The following CTNNA2 variants were observed in gnomAD, a reference collection of about 807,000 sequenced individuals.
CTNNA2 encodes catenin alpha-2.
CTNNA2 carries 42 observed loss-of-function variants against 101.0 expected under a neutral mutation model. That is an observed-to-expected ratio of 0.42 (90% CI 0.32 to 0.54). CTNNA2 has a LOEUF of 0.54. Ranked by LOEUF, CTNNA2 falls within the 20% of genes least tolerant of loss-of-function variation. The probability of loss-of-function intolerance (pLI) is 0.14; values close to 1 mark genes in which losing one functional copy is unlikely to be tolerated. For synonymous variants in CTNNA2, 450 were observed against 456.4 expected (o/e 0.99, Z 0.18); for missense variants, 871 against 1,223.1 (o/e 0.71, Z 4.29).
chr2:79,614,959 C>A (rs1380564911), intron 1 of CTNNA2, among the ~76,000 whole-genome samples: 2 of 152,224 alleles, frequency 1.3e-5, no homozygotes, highest in African/African-American at 4.8e-5. Flanking sequence ...CAGGGAATTT[C>A]AAGGTTTCCT....
chr2:80,552,819 G>T (rs1573239178), intron 11 of CTNNA2, among the ~76,000 whole-genome samples: 1 of 152,094 alleles, frequency 6.6e-6, no homozygotes, highest in East Asian at 1.9e-4. Context: ...GTAAAAATAT[G>T]ACATAATCTT....
intron 7 of CTNNA2, among the ~76,000 whole-genome samples, chr2:80,226,119 A>T (rs1413754382): frequency 6.6e-6 from 1 of 152,192 alleles, no homozygotes; most frequent in Non-Finnish European, 1.5e-5. Context: ...ATCCATCCTT[A>T]TGATGGCCTT....
intron 1 of CTNNA2, among the ~76,000 whole-genome samples, chr2:79,590,185 G>T (rs542041472): frequency 6.6e-6 from 1 of 152,244 alleles, no homozygotes; most frequent in Admixed American, 6.5e-5. Flanking sequence ...TGAGGAGGCG[G>T]GTGAGCTTTT....
intron 3 of CTNNA2, among the ~76,000 whole-genome samples, chr2:79,343,723 G>GATTATTATTATTATT (rs71385268): frequency 6.1e-5 from 9 of 147,960 alleles, no homozygotes; most frequent in African/African-American, 2.2e-4. Flanking sequence ...AGACACGGAC[G>GATTATTATTATTATT]ATTATTATTA....
At chr2:79,249,820 A>T (rs952215656) in intron 2 of CTNNA2, among the ~76,000 whole-genome samples, 2 of 152,076 alleles carry the variant, frequency 1.3e-5, no homozygotes, top group Non-Finnish European at 2.9e-5. Context: ...TTAGATTAGG[A>T]GCTCACATTC....
chr2:80,095,488 G>C (rs1381109820), intron 7 of CTNNA2, among the ~76,000 whole-genome samples: 2 of 152,068 alleles, frequency 1.3e-5, no homozygotes, highest in Non-Finnish European at 2.9e-5. Flanking sequence ...TCTCTGCCAG[G>C]CTTTGGTATC....
intron 7 of CTNNA2, among the ~76,000 whole-genome samples, chr2:79,969,192 G>C (rs534102628): frequency 8.5e-5 from 13 of 152,134 alleles, no homozygotes; most frequent in Non-Finnish European, 1.9e-4. Context: ...AAATTAACAA[G>C]AACAACAACA....
chr2:80,085,797 A>C (rs1212111595), intron 7 of CTNNA2, among the ~76,000 whole-genome samples: 1 of 152,044 alleles, frequency 6.6e-6, no homozygotes, highest in Non-Finnish European at 1.5e-5. Context: ...GTTGTGCTCA[A>C]TATTTGTATT....
At chr2:79,709,690 C>G (rs948485156) in intron 2 of CTNNA2, among the ~76,000 whole-genome samples, 2 of 151,978 alleles carry the variant, frequency 1.3e-5, no homozygotes, top group Admixed American at 1.3e-4. Context: ...GCATGTTTTA[C>G]AGAGGGCAGA....
At chr2:80,379,618 C>A (rs1253114492) in intron 7 of CTNNA2, among the ~76,000 whole-genome samples, 1 of 152,042 alleles carries the variant, frequency 6.6e-6, no homozygotes, top group East Asian at 1.9e-4. Context: ...TTAGGTTAAA[C>A]AATGGAATTT....
chr2:79,494,798 A>C (rs77416390), intron 4 of CTNNA2, among the ~76,000 whole-genome samples: 1 of 152,120 alleles, frequency 6.6e-6, no homozygotes, highest in African/African-American at 2.4e-5. Flanking sequence ...CCAAAAAAAA[A>C]CCAGAATTTT....
At chr2:80,399,645 G>A (rs1416045615) in intron 8 of CTNNA2, among the ~76,000 whole-genome samples, 1 of 152,128 alleles carries the variant, frequency 6.6e-6, no homozygotes, top group Non-Finnish European at 1.5e-5. Context: ...AAGGAAAAGT[G>A]GGAAGGGAAG....
intron 3 of CTNNA2, among the ~76,000 whole-genome samples, chr2:79,325,733 G>T (rs983089498): frequency 1.1e-4 from 17 of 152,074 alleles, no homozygotes; most frequent in African/African-American, 4.1e-4. Context: ...TTGCCCTCTG[G>T]GTTCTTTCAT....
chr2:80,284,393 G>A (rs758123200), intron 7 of CTNNA2, among the ~76,000 whole-genome samples: 60 of 152,232 alleles, frequency 3.9e-4, no homozygotes, highest in Middle Eastern at 3.4e-3. Context: ...GCCCTATCCA[G>A]AGCAGTTCTT....
intron 7 of CTNNA2, among the ~76,000 whole-genome samples, chr2:79,983,643 T>A (rs1444167482): frequency 6.6e-6 from 1 of 152,148 alleles, no homozygotes; most frequent in African/African-American, 2.4e-5. Flanking sequence ...AATGAACAGG[T>A]AGGAGGAGAG....
At chr2:79,704,165 T>C (rs1487748786) in intron 2 of CTNNA2, among the ~76,000 whole-genome samples, 1 of 152,228 alleles carries the variant, frequency 6.6e-6, no homozygotes, top group African/African-American at 2.4e-5. Context: ...TTCATAAACA[T>C]AAATTTTGCA....
At chr2:79,388,489 G>A (rs1429935412) in intron 4 of CTNNA2, among the ~76,000 whole-genome samples, 1 of 152,152 alleles carries the variant, frequency 6.6e-6, no homozygotes, top group African/African-American at 2.4e-5. Flanking sequence ...TCCAGTTTTT[G>A]TAGTTACATA....
At chr2:80,425,542 T>G (rs1003678561) in intron 9 of CTNNA2, among the ~76,000 whole-genome samples, 1 of 151,994 alleles carries the variant, frequency 6.6e-6, no homozygotes, top group Non-Finnish European at 1.5e-5. Flanking sequence ...GCCTTTGATC[T>G]CTGTTTGAAA....
chr2:80,343,919 ATCTC>A (rs1180298461), intron 7 of CTNNA2, among the ~76,000 whole-genome samples: 1 of 152,192 alleles, frequency 6.6e-6, no homozygotes, highest in Admixed American at 6.5e-5. Context: ...TGACTTCAGT[ATCTC>A]TCTAGCTATT....
Sources: allele counts gnomAD v4.1 joint callset (sites outside exome capture counted in the v4.1 genomes callset), GRCh38; gene constraint gnomAD v4.1.1; transcripts MANE v1.5; gene names NCBI Gene and HGNC (gene_info 2026-07-23, HGNC 2026-07-21).